The following LEFTY1 variants were observed in gnomAD, a reference collection of about 807,000 sequenced individuals.
LEFTY1 encodes the protein left-right determination factor 1.
A neutral mutation model predicts 22.6 loss-of-function variants in LEFTY1; 18 were observed. That is an observed-to-expected ratio of 0.80 (90% confidence interval 0.55 to 1.18). The LOEUF is 1.18. LEFTY1 is among the 50% of genes most tolerant of loss of function. LEFTY1 has a pLI of 0.00. For missense variants in LEFTY1, 414 were observed against 495.4 expected (o/e 0.84, Z 1.56); for synonymous variants, 201 against 231.5 (o/e 0.87, Z 1.20).
Position 225,886,934 on chromosome 1 carries a change from C to T in LEFTY1, c.894G>A (p.Arg298=). The T allele has an allele frequency of 6.2e-7, 1 of 1,613,714 alleles. No homozygotes were observed. The highest frequency in any genetic ancestry group is 8.5e-7 in the Non-Finnish European group (1 of 1,179,964). Reference sequence around the variant, plus strand: ...TGAAGGCCAGGGCCTCCGGGGGCTGCCGGCAGGTGCCCACACACTCATAAG... The same window carrying T: ...TGAAGGCCAGGGCCTCCGGGGGCTGTCGGCAGGTGCCCACACACTCATAAG... The part of the protein sequence containing the change: ...FLAYECVGTC[R]QPPEALAFKW... Residue 298 remains arginine, a synonymous_variant, in exon 4 of 4, where the codon CGG becomes CGA. Coordinates refer to ENST00000272134, the MANE Select transcript of LEFTY1 (RefSeq NM_020997.4).
intron 3 of LEFTY1, 28 bp downstream of exon 3, chr1:225,887,371 G>A: frequency 6.2e-7 from 1 of 1,612,436 alleles, no homozygotes; most frequent in Non-Finnish European, 8.5e-7. Context: ...CTTTATTCCG[G>A]CTTACCAGTT....
Position 225,886,722 on chromosome 1 carries a change from G to C in LEFTY1, c.*5C>G. The C allele has an allele frequency of 6.2e-7, 1 of 1,613,620 alleles. No individual in the cohort carries two copies. The highest frequency in any genetic ancestry group is 1.3e-5 in the African/African-American group (1 of 75,046). On this transcript the variant is annotated 3_prime_UTR_variant, in exon 4 of 4. Transcript: ENST00000272134. ...GTCAAGTCCCTCGATGGCTACACTA[G>C]GCGCCTATGGCTGGAGCCTCCTTGG...
Position 225,888,827 on chromosome 1 carries a change from C to G in LEFTY1, c.240G>C (p.Gln80His). Residue 80 changes from glutamine (Q) to histidine (H), a missense_variant, in exon 1 of 4, where the codon CAG becomes CAC. Gln to His is a conservative substitution (Grantham distance 24). Coordinates refer to ENST00000272134, the MANE Select transcript of LEFTY1 (RefSeq NM_020997.4). The part of the protein sequence containing the change: ...GDRSRGKRFS[Q>H]SFREVAGRFL... Reference sequence around the variant, plus strand: ...GAGGGAGGGCCTCACCTCGGAAGCTCTGGCTGAACCTCTTTCCGCGGGAGC... The same window carrying G: ...GAGGGAGGGCCTCACCTCGGAAGCTGTGGCTGAACCTCTTTCCGCGGGAGC... 6.2e-7 allele frequency: 1 copy of G among 1,613,262 alleles called. No individual in the cohort carries two copies. Among genetic ancestry groups the G allele is most frequent in the Non-Finnish European group, 8.5e-7 (1 of 1,179,776 alleles).
In LEFTY1 at chr1:225,886,751, G is replaced by C. The variant is rs759363335; in HGVS notation, c.1077C>G (p.Leu359=). The change falls in exon 4 of 4, where the codon CTC becomes CTG. Residue 359 remains leucine (L), a synonymous_variant. Transcript: ENST00000272134. ...CCTATGGCTGGAGCCTCCTTGGCACGAGCGCACCATCCGAGGCACAGCTGC... is the reference window on the plus strand; with the variant it reads ...CCTATGGCTGGAGCCTCCTTGGCACCAGCGCACCATCCGAGGCACAGCTGC... The part of the protein sequence containing the change: ...QKCSCASDGA[L]VPRRLQP The C allele has an allele frequency of 5.0e-6, 8 of 1,613,560 alleles. No homozygotes were observed. Among genetic ancestry groups the C allele is most frequent in the Non-Finnish European group, 5.9e-6 (7 of 1,180,032 alleles).
At chr1:225,888,150 G>T in intron 1 of LEFTY1, 118 bp from the exon 2 acceptor site, 3 of 1,413,898 alleles carry the variant, frequency 2.1e-6, no homozygotes, top group South Asian at 1.2e-5. Context: ...TATTTCTGGG[G>T]CAAACCCAGT....
At position 225,886,594 on chromosome 1, in the gene LEFTY1, A is replaced by G; in HGVS notation, c.*133T>C. On this transcript the variant is annotated 3_prime_UTR_variant, in exon 4 of 4. Transcript: ENST00000272134. ...TTAGGTGAGGTAACTTGTCAGAGGAAGCAAATTCAGGGCTCACTAGAGAGC... is the reference window on the plus strand; with the variant it reads ...TTAGGTGAGGTAACTTGTCAGAGGAGGCAAATTCAGGGCTCACTAGAGAGC... 1.3e-6 allele frequency: 2 copies of G among 1,498,282 alleles called. No homozygotes were observed. The highest frequency in any genetic ancestry group is 2.2e-5 in the Admixed American group (1 of 44,874). The allele number at this position is 1,498,282 out of a possible 1,614,324, so 92.8% of individuals were successfully genotyped here.
rs755218345 is a variant in LEFTY1 at position 225,889,007 on chromosome 1, G to A, written c.60C>T (p.Ala20=). ...CCAGGAGCTGCTCCCCGGTCAGGGC[G>A]GCCCCGGGGCTGGCCAGGGGCAACA... The part of the protein sequence containing the change: ...LWVLPLASPG[A]ALTGEQLLGS... The change falls in exon 1 of 4, where the codon GCC becomes GCT. Residue 20 remains alanine, a synonymous_variant. Transcript: ENST00000272134. The A allele has an allele frequency of 4.1e-5, 63 of 1,539,060 alleles. No homozygotes were observed. Among genetic ancestry groups the A allele is most frequent in the Non-Finnish European group, 5.2e-5 (59 of 1,143,356 alleles).
At chr1:225,887,679 G>A in intron 2 of LEFTY1, 41 bp from the exon 3 acceptor site, 2 of 1,610,836 alleles carry the variant, frequency 1.2e-6, no homozygotes, top group African/African-American at 1.3e-5. Flanking sequence ...TTGAGGGCGG[G>A]GACTGGGACG....
In LEFTY1 at chr1:225,888,828, T is replaced by C; in HGVS notation, c.239A>G (p.Gln80Arg). The change falls in exon 1 of 4, where the codon CAG becomes CGG. Residue 80 changes from glutamine (Q) to arginine (R), a missense_variant. This residue lies in a region of LEFTY1 where 398 missense variants were observed against 454.7 expected (regional missense o/e 0.88). Coordinates refer to ENST00000272134, the MANE Select transcript of LEFTY1 (RefSeq NM_020997.4). ...AGGGAGGGCCTCACCTCGGAAGCTC[T>C]GGCTGAACCTCTTTCCGCGGGAGCG... ...GDRSRGKRFS[Q>R]SFREVAGRFL... 6.2e-7 allele frequency: 1 copy of C among 1,613,164 alleles called. No individual in the cohort carries two copies. Among genetic ancestry groups the C allele is most frequent in the South Asian group, 1.1e-5 (1 of 91,064 alleles).
intron 1 of LEFTY1, among the ~76,000 whole-genome samples, chr1:225,888,475 T>C (rs533618815): frequency 1.3e-5 from 2 of 152,318 alleles, no homozygotes; most frequent in African/African-American, 4.8e-5. Flanking sequence ...CAATGACTCA[T>C]TTTGATGTTC....
Position 225,886,856 on chromosome 1 carries a change from C to T in LEFTY1, c.972G>A (p.Leu324=), listed in dbSNP as rs1483982534. ...CCTCCTTGATGCTGACGATCATGGG[C>T]AGCGAGTCAGTCTCCGAGGCGATGC... ...RQCIASETDS[L]PMIVSIKEGG... Residue 324 remains leucine, a synonymous_variant, in exon 4 of 4, where the codon CTG becomes CTA. Coordinates refer to ENST00000272134, the MANE Select transcript of LEFTY1 (RefSeq NM_020997.4). The T allele has an allele frequency of 1.2e-6, 2 of 1,613,932 alleles. No homozygotes were observed. The highest frequency in any genetic ancestry group is 1.7e-6 in the Non-Finnish European group (2 of 1,180,042).
rs1406900706 is a variant in LEFTY1, at chr1:225,887,807, C to G, written c.476G>C (p.Arg159Pro). 6.5e-7 allele frequency: 1 copy of G among 1,542,148 alleles called. No homozygotes were observed. Among genetic ancestry groups the G allele is most frequent in the East Asian group, 2.4e-5 (1 of 40,950 alleles). ...WLRVRDDGSNRTSLIDSRLVS... is the reference protein window; with the variant it reads ...WLRVRDDGSNPTSLIDSRLVS... ...CCACCTGGAGTCGATGAGGGAGGTG[C>G]GGTTGGAGCCGTCGTCGCGGACGCG... Residue 159 changes from arginine (R) to proline (P), a missense_variant, in exon 2 of 4, where the codon CGC (arginine) becomes CCC (proline). Arg to Pro is a moderately radical substitution (Grantham distance 103, BLOSUM62 -2). This residue lies in a region of LEFTY1 where 398 missense variants were observed against 454.7 expected (regional missense o/e 0.88). Coordinates refer to ENST00000272134, the MANE Select transcript of LEFTY1 (RefSeq NM_020997.4).
chr1:225,886,619 C>T lies in LEFTY1; in HGVS notation c.*108G>A. The T allele has an allele frequency of 6.4e-7, 1 of 1,563,624 alleles. No homozygotes were observed. The highest frequency in any genetic ancestry group is 1.2e-5 in the South Asian group (1 of 84,032). On this transcript the variant is annotated 3_prime_UTR_variant, in exon 4 of 4. Transcript: ENST00000272134. ...AGCAAATTCAGGGCTCACTAGAGAG[C>T]ACAGAGCATTTGTCCATCAGCAGTT...
At chr1:225,887,296 G>T in intron 3 of LEFTY1, 103 bp downstream of exon 3, 1 of 1,569,098 alleles carries the variant, frequency 6.4e-7, no homozygotes, top group East Asian at 2.3e-5. Flanking sequence ...TGTATACATT[G>T]TCTCATTCAT....
Position 225,887,489 on chromosome 1 carries a change from T to C in LEFTY1, c.647A>G (p.His216Arg). ...CTGCGAGGCAAAGCGGACCAGCTTG[T>C]GGGCGCCGGACGCCAGCGGGCCCAG... is the stretch of plus-strand genomic sequence containing the variant. ...EHLGPLASGA[H>R]KLVRFASQGA... Residue 216 changes from histidine (H) to arginine (R), a missense_variant, in exon 3 of 4, where the codon CAC becomes CGC. Coordinates refer to ENST00000272134, the MANE Select transcript of LEFTY1 (RefSeq NM_020997.4). The C allele has an allele frequency of 6.2e-7, 1 of 1,612,074 alleles. No individual in the cohort carries two copies. Among genetic ancestry groups the C allele is most frequent in the South Asian group, 1.1e-5 (1 of 91,010 alleles).
rs773944551 is a variant in LEFTY1, at chr1:225,887,623, G to T, written c.513C>A (p.His171Gln). 1 of 1,612,310 alleles carries T rather than the reference G, an allele frequency of 6.2e-7. No individual in the cohort carries two copies. Among genetic ancestry groups the T allele is most frequent in the Non-Finnish European group, 8.5e-7 (1 of 1,179,778 alleles). Reference sequence around the variant, plus strand: ...CGTCGAAGGCCTTCCAGCCGCTCTCGTGGACGGACACCAGCCTGAGACATG... The same window carrying T: ...CGTCGAAGGCCTTCCAGCCGCTCTCTTGGACGGACACCAGCCTGAGACATG... ...SLIDSRLVSV[H>Q]ESGWKAFDVT... The change falls in exon 3 of 4, where the codon CAC becomes CAA. Residue 171 changes from histidine to glutamine, a missense_variant. By Grantham distance (24) the His-to-Gln change is conservative. Around this residue, in one of 2 missense-constraint regions of LEFTY1, gnomAD observed 398 missense variants for 454.7 expected, o/e 0.88. Transcript: ENST00000272134.
In LEFTY1 at chr1:225,888,858, C is replaced by T. The variant is rs768450707; in HGVS notation, c.209G>A (p.Gly70Glu). 1.9e-6 allele frequency: 3 copies of T among 1,613,292 alleles called. No individual in the cohort carries two copies. Among genetic ancestry groups the T allele is most frequent in the East Asian group, 4.5e-5 (2 of 44,868 alleles). ...GAACCTCTTTCCGCGGGAGCGGTCC[C>T]CGTGGCTGCGCTGCAGCAGGGCCAC... is the stretch of plus-strand genomic sequence containing the variant. ...QYVALLQRSH[G>E]DRSRGKRFSQ... Residue 70 changes from glycine (G) to glutamate (E), a missense_variant, in exon 1 of 4, where the codon GGG becomes GAG. Coordinates refer to ENST00000272134, the MANE Select transcript of LEFTY1 (RefSeq NM_020997.4).
Position 225,887,017 on chromosome 1 carries a change from C to T in LEFTY1, c.811G>A (p.Asp271Asn). 6.2e-7 allele frequency: 1 copy of T among 1,604,074 alleles called. No individual in the cohort carries two copies. The highest frequency in any genetic ancestry group is 2.2e-5 in the East Asian group (1 of 44,748). ...TRCCRQEMYI[D>N]LQGMKWAENW... ...TCGGCCCACTTCATCCCCTGCAGGT[C>T]AATGTACATCTCCTGGCGGCAGCAG... is the stretch of plus-strand genomic sequence containing the variant. Residue 271 changes from aspartate to asparagine, a missense_variant, in exon 4 of 4, where the codon GAC becomes AAC. By Grantham distance (23) the Asp-to-Asn change is conservative (BLOSUM62 1). Transcript: ENST00000272134.
Position 225,887,476 on chromosome 1 carries a change from G to C in LEFTY1, c.660C>G (p.Arg220=). The C allele has an allele frequency of 6.2e-7, 1 of 1,612,510 alleles. No individual in the cohort carries two copies. Among genetic ancestry groups the C allele is most frequent in the Non-Finnish European group, 8.5e-7 (1 of 1,179,646 alleles). ...CGGCTGGCGCCCCCTGCGAGGCAAAGCGGACCAGCTTGTGGGCGCCGGACG... is the reference window on the plus strand; with the variant it reads ...CGGCTGGCGCCCCCTGCGAGGCAAACCGGACCAGCTTGTGGGCGCCGGACG... ...PLASGAHKLV[R]FASQGAPAGL... The change falls in exon 3 of 4, where the codon CGC becomes CGG. Residue 220 remains arginine (R), a synonymous_variant. Coordinates refer to ENST00000272134, the MANE Select transcript of LEFTY1 (RefSeq NM_020997.4).
Sources: gnomAD v4.1 joint callset for allele counts (sites outside exome capture counted in the v4.1 genomes callset) on GRCh38, gnomAD v4.1.1 for gene constraint, gnomAD v4.1.1 regional missense constraint, MANE v1.5 for transcripts, NCBI Gene and HGNC (gene_info 2026-07-23, HGNC 2026-07-21) for gene names.